Variants in YPEL4 observed in about 807,000 individuals in gnomAD.
The protein encoded by YPEL4 is protein yippee-like 4.
Under a neutral mutation model 16.3 loss-of-function variants are expected in YPEL4, and 5 were observed. The ratio of observed to expected loss-of-function variants is 0.31; its 90% CI spans 0.16 to 0.64. The LOEUF (loss-of-function observed/expected upper bound fraction) is 0.64, where lower values mean the gene tolerates loss of function less well. Among genes scored for constraint, YPEL4 ranks in the 30% least tolerant of loss-of-function variants. The probability of loss-of-function intolerance (pLI) is 0.79; values close to 1 mark genes in which losing one functional copy is unlikely to be tolerated. For missense variants in YPEL4, 127 were observed against 170.0 expected (o/e 0.75, Z 1.41); for synonymous variants, 61 against 60.7 (o/e 1.00, Z -0.02).
chr11:57,645,269 T>C lies in YPEL4; in HGVS notation c.*712A>G, dbSNP rs984085601. On this transcript the variant is annotated 3_prime_UTR_variant, in exon 5 of 5. Coordinates refer to ENST00000300022, the MANE Select transcript of YPEL4 (RefSeq NM_145008.3). ...GGCCTCAGAGAAAGCCCATAAAGAC[T>C]GCTTACTCTGGAAGCAGCCGACTAG... The C allele has an allele frequency of 4.6e-5, 7 of 152,598 alleles. No individual in the cohort carries two copies. Among genetic ancestry groups the C allele is most frequent in the African/African-American group, 1.7e-4 (7 of 41,420 alleles). 9.5% of individuals were successfully genotyped at this position (152,598 alleles called of 1,614,324 possible). A position where few individuals can be genotyped will look rare whatever the true frequency, so the allele number is the denominator to read the frequency against.
chr11:57,646,211 A>G (rs574006179), intron 4 of YPEL4, 86 bp downstream of exon 4: 2 of 1,574,658 alleles, frequency 1.3e-6, no homozygotes, highest in East Asian at 2.2e-5. Context: ...TGGACCATGC[A>G]AGGAAGGACC....
In YPEL4 at chr11:57,647,726, AT is replaced by A. The variant is rs1347197190; in HGVS notation, c.-184-436del. On this transcript the variant is annotated intron_variant, in intron 1 of 4. Coordinates refer to ENST00000300022, the MANE Select transcript of YPEL4 (RefSeq NM_145008.3). The surrounding 1 kb of genome is among the most constrained non-coding windows in gnomAD (Gnocchi z 4.2). The stretch of plus-strand genomic sequence containing the variant: ...GGATGCCTGAAGGTCTTTCTTTTAC[AT>A]GGTCTTTGTTTGCAATACAATTGGT... 1 of 152,070 alleles carries A rather than the reference AT, an allele frequency of 6.6e-6. No homozygotes were observed. Among genetic ancestry groups the A allele is most frequent in the Admixed American group, 6.5e-5 (1 of 15,278 alleles). 9.4% of individuals were successfully genotyped at this position (152,070 alleles called of 1,614,324 possible).
In YPEL4 at chr11:57,647,197, G is replaced by A; in HGVS notation, c.-90C>T. On this transcript the variant is annotated 5_prime_UTR_variant, in exon 2 of 5. Transcript: ENST00000300022. The surrounding 1 kb of genome is among the most constrained non-coding windows in gnomAD (Gnocchi z 4.2). ...CGGTCGCAGGTGAAGCAGCGGAGCA[G>A]GTTGGCTAGAGCCGTGTTTCAGGGC... is the stretch of plus-strand genomic sequence containing the variant. 6.9e-7 allele frequency: 1 copy of A among 1,458,666 alleles called. No individual in the cohort carries two copies. The highest frequency in any genetic ancestry group is 9.1e-7 in the Non-Finnish European group (1 of 1,104,604). The allele number at this position is 1,458,666 out of a possible 1,614,324, so 90.4% of individuals were successfully genotyped here. A position where few individuals can be genotyped will look rare whatever the true frequency, so the allele number is the denominator to read the frequency against.
At position 57,646,857 on chromosome 11, in the gene YPEL4, C is replaced by T. The variant is rs1269908550; in HGVS notation, c.142-63G>A. The T allele has an allele frequency of 2.1e-5, 34 of 1,606,608 alleles. No individual in the cohort carries two copies. The East Asian group carries it at 4.9e-4, about 23-fold the overall frequency. On this transcript the variant is annotated intron_variant, in intron 2 of 4. Transcript: ENST00000300022. ...CCTTCAGCCCCACTGCCTGAATCCC[C>T]GCAGGGGTGTGTAGGAGAGAGGAAG...
At position 57,645,850 on chromosome 11, in the gene YPEL4, G is replaced by A. The variant is rs1490525393; in HGVS notation, c.*131C>T. The A allele has an allele frequency of 1.2e-6, 1 of 811,962 alleles. No individual in the cohort carries two copies. The highest frequency in any genetic ancestry group is 2.0e-6 in the Non-Finnish European group (1 of 511,904). 50.3% of individuals were successfully genotyped at this position (811,962 alleles called of 1,614,324 possible). A position where few individuals can be genotyped will look rare whatever the true frequency, so the allele number is the denominator to read the frequency against. On this transcript the variant is annotated 3_prime_UTR_variant, in exon 5 of 5. Transcript: ENST00000300022. ...GGTGCCTGGTAGTGGATATGGTGGA[G>A]GCAGGGGAGGGGTTGGTTGGAGCCA...
chr11:57,645,776 C>A lies in YPEL4; in HGVS notation c.*205G>T. The A allele has an allele frequency of 6.8e-6, 4 of 586,484 alleles. No individual in the cohort carries two copies. The Admixed American group carries it at 9.3e-5, about 14-fold the overall frequency. The allele number at this position is 586,484 out of a possible 1,614,324, so 36.3% of individuals were successfully genotyped here. On this transcript the variant is annotated 3_prime_UTR_variant, in exon 5 of 5. Coordinates refer to ENST00000300022, the MANE Select transcript of YPEL4 (RefSeq NM_145008.3). Reference sequence around the variant, plus strand: ...TCTGTCTCTCCCTGACTGCTGCCCACTCCTGAGCCTTAACACCCCTGGGGT... The same window carrying A: ...TCTGTCTCTCCCTGACTGCTGCCCAATCCTGAGCCTTAACACCCCTGGGGT...
In YPEL4 at chr11:57,645,728, C is replaced by A; in HGVS notation, c.*253G>T. Reference sequence around the variant, plus strand: ...TCAGGATCTTGGGAACAGAAAGACCCACAACCATCCCTTTCCCCCAGTTCT... The same window carrying A: ...TCAGGATCTTGGGAACAGAAAGACCAACAACCATCCCTTTCCCCCAGTTCT... On this transcript the variant is annotated 3_prime_UTR_variant, in exon 5 of 5. Transcript: ENST00000300022. The A allele has an allele frequency of 3.9e-6, 2 of 507,648 alleles. No individual in the cohort carries two copies. The highest frequency in any genetic ancestry group is 2.8e-5 in the South Asian group (1 of 35,132). The allele number at this position is 507,648 out of a possible 1,614,324, so 31.4% of individuals were successfully genotyped here.
chr11:57,647,064 G>A lies in YPEL4; in HGVS notation c.44C>T (p.Thr15Ile). 1 of 1,596,568 alleles carries A rather than the reference G, an allele frequency of 6.3e-7. No individual in the cohort carries two copies. Among genetic ancestry groups the A allele is most frequent in the Non-Finnish European group, 8.5e-7 (1 of 1,172,960 alleles). The change falls in exon 2 of 5, where the codon ACC becomes ATC. Residue 15 changes from threonine to isoleucine, a missense_variant. Thr to Ile is a moderately conservative substitution (Grantham distance 89, BLOSUM62 -1). Coordinates refer to ENST00000300022, the MANE Select transcript of YPEL4 (RefSeq NM_145008.3). The surrounding 1 kb of genome is among the most constrained non-coding windows in gnomAD (Gnocchi z 4.2). The part of the protein sequence containing the change: ...DPGPGPACLP[T>I]KTFRSYLPRC... ...GGGCAGATAGCTGCGGAAAGTCTTG[G>A]TGGGGAGGCAGGCAGGGCCCGGACC...
At chr11:57,646,263 C>G in intron 4 of YPEL4, 34 bp downstream of exon 4, 1 of 1,612,262 alleles carries the variant, frequency 6.2e-7, no homozygotes. Context: ...GGGACTGCCA[C>G]TTTAGAGGGT....
In YPEL4 at chr11:57,646,730, CAAGG is replaced by C; in HGVS notation, c.185+17_185+20del. On this transcript the variant is annotated intron_variant, in intron 3 of 4. Transcript: ENST00000300022. ...TCACACACAAGCACAAGCACACGCA[CAAGG>C]AAAGAGGTAGACTCACACGGAGTTA... is the stretch of plus-strand genomic sequence containing the variant. The C allele has an allele frequency of 6.2e-7, 1 of 1,613,494 alleles. No individual in the cohort carries two copies.
intron 3 of YPEL4, 61 bp from the exon 4 acceptor site, chr11:57,646,466 C>T: frequency 1.9e-6 from 3 of 1,591,250 alleles, no homozygotes; most frequent in Non-Finnish European, 2.6e-6. Flanking sequence ...GTCCAGTCCC[C>T]AGACAGCCCA....
chr11:57,647,707 C>G lies in YPEL4; in HGVS notation c.-184-416G>C, dbSNP rs1280952072. 1 of 152,192 alleles carries G rather than the reference C, an allele frequency of 6.6e-6. No homozygotes were observed. Among genetic ancestry groups the G allele is most frequent in the Non-Finnish European group, 1.5e-5 (1 of 68,078 alleles). 9.4% of individuals were successfully genotyped at this position (152,192 alleles called of 1,614,324 possible). A position where few individuals can be genotyped will look rare whatever the true frequency, so the allele number is the denominator to read the frequency against. On this transcript the variant is annotated intron_variant, in intron 1 of 4. Transcript: ENST00000300022. This position sits in a 1 kb window ranked among gnomAD's most constrained non-coding sequence, Gnocchi z 4.2. ...AGAGCCTTTTAAGAGTTGGGGATGC[C>G]TGAAGGTCTTTCTTTTACATGGTCT...
chr11:57,646,596 A>G (rs2135347941), intron 3 of YPEL4, 155 bp downstream of exon 3: 1 of 1,267,178 alleles, frequency 7.9e-7, no homozygotes, highest in East Asian at 2.5e-5. Context: ...CCGGCTCCCC[A>G]TGTGAGAACT....
Position 57,645,563 on chromosome 11 carries a change from T to TC in YPEL4, c.*417dup, listed in dbSNP as rs1481691943. 1.2e-5 allele frequency: 2 copies of TC among 169,460 alleles called. No homozygotes were observed. Among genetic ancestry groups the TC allele is most frequent in the African/African-American group, 4.8e-5 (2 of 41,838 alleles). The allele number at this position is 169,460 out of a possible 1,614,324, so 10.5% of individuals were successfully genotyped here. ...TCACTCCAACCCAAGTCTTTTCTCA[T>TC]CTGCTGTTCTGTGGTCCATGATCTA... is the stretch of plus-strand genomic sequence containing the variant. On this transcript the variant is annotated 3_prime_UTR_variant, in exon 5 of 5. Transcript: ENST00000300022.
Position 57,645,842 on chromosome 11 carries a change from A to G in YPEL4, c.*139T>C. 1 of 756,856 alleles carries G rather than the reference A, an allele frequency of 1.3e-6. No homozygotes were observed. Among genetic ancestry groups the G allele is most frequent in the Non-Finnish European group, 2.1e-6 (1 of 466,552 alleles). 46.9% of individuals were successfully genotyped at this position (756,856 alleles called of 1,614,324 possible). A position where few individuals can be genotyped will look rare whatever the true frequency, so the allele number is the denominator to read the frequency against. On this transcript the variant is annotated 3_prime_UTR_variant, in exon 5 of 5. Transcript: ENST00000300022. ...TTCTAAAGGGTGCCTGGTAGTGGATATGGTGGAGGCAGGGGAGGGGTTGGT... is the reference window on the plus strand; with the variant it reads ...TTCTAAAGGGTGCCTGGTAGTGGATGTGGTGGAGGCAGGGGAGGGGTTGGT...
At chr11:57,648,985 TC>T (rs1418959215) in intron 1 of YPEL4, 2 of 151,856 alleles carry the variant, frequency 1.3e-5, no homozygotes, top group African/African-American at 4.9e-5. Context: ...TCCCTCCCTC[TC>T]CCCTAATTCC....
chr11:57,645,750 TTC>T lies in YPEL4; in HGVS notation c.*229_*230del, dbSNP rs1945723036. 1.8e-6 allele frequency: 1 copy of T among 542,812 alleles called. No individual in the cohort carries two copies. Among genetic ancestry groups the T allele is most frequent in the South Asian group, 2.5e-5 (1 of 40,186 alleles). The allele number at this position is 542,812 out of a possible 1,614,324, so 33.6% of individuals were successfully genotyped here. The stretch of plus-strand genomic sequence containing the variant: ...ACCCACAACCATCCCTTTCCCCCAG[TTC>T]TGTCTCTCCCTGACTGCTGCCCACT... On this transcript the variant is annotated 3_prime_UTR_variant, in exon 5 of 5. Transcript: ENST00000300022.
intron 3 of YPEL4, 84 bp downstream of exon 3, chr11:57,646,667 T>C (rs1323672203): frequency 3.8e-6 from 6 of 1,568,622 alleles, no homozygotes; most frequent in Non-Finnish European, 4.3e-6. Context: ...GATCACCTGA[T>C]GGATTCCCCC....
chr11:57,646,753 G>A lies in YPEL4; in HGVS notation c.183C>T (p.Ser61=), dbSNP rs199630550. 2.5e-6 allele frequency: 4 copies of A among 1,613,854 alleles called. No homozygotes were observed. The highest frequency in any genetic ancestry group is 2.2e-5 in the East Asian group (1 of 44,868). ...GSHGRAYLFN[S]VVNVGCGPAE... ...CACAAGGAAAGAGGTAGACTCACAC[G>A]GAGTTAAACAGGTAGGCTCGGCCAT... is the stretch of plus-strand genomic sequence containing the variant. Residue 61 remains serine, a splice_region_variant and synonymous_variant, in exon 3 of 5, where the codon TCC becomes TCT. Coordinates refer to ENST00000300022, the MANE Select transcript of YPEL4 (RefSeq NM_145008.3).
Sources: allele counts gnomAD v4.1 joint callset, GRCh38; gene constraint gnomAD v4.1.1; non-coding constraint Gnocchi (gnomAD v3.1); transcripts MANE v1.5; gene names NCBI Gene and HGNC (gene_info 2026-07-23, HGNC 2026-07-21).